The following REDIC1 variants were observed in gnomAD, a reference collection of about 807,000 sequenced individuals.
REDIC1 encodes the protein regulator of DNA class I crossover intermediates 1.
the REDIC1 span, among the ~76,000 whole-genome samples, chr12:39,633,990 G>T: frequency 3.3e-5 from 5 of 151,980 alleles, no homozygotes; most frequent in Non-Finnish European, 5.9e-5. Flanking sequence ...AGCTTGAGGG[G>T]GATAGCACTG....
At chr12:39,750,805 AT>A in the REDIC1 span, among the ~76,000 whole-genome samples, 1 of 152,230 alleles carries the variant, frequency 6.6e-6, no homozygotes, top group Non-Finnish European at 1.5e-5. Context: ...AAAACAAGAA[AT>A]GGGGAAACGA....
At chr12:39,693,501 C>A in the REDIC1 span, among the ~76,000 whole-genome samples, 1 of 151,210 alleles carries the variant, frequency 6.6e-6, no homozygotes, top group East Asian at 1.9e-4. Context: ...CACGTAAATA[C>A]CCATGAGTCT....
At chr12:39,639,269 G>A in the REDIC1 span, among the ~76,000 whole-genome samples, 1 of 151,868 alleles carries the variant, frequency 6.6e-6, no homozygotes, top group African/African-American at 2.4e-5. Context: ...GAATATATAG[G>A]GTTCTTTGCT....
the REDIC1 span, among the ~76,000 whole-genome samples, chr12:39,693,126 A>T: frequency 1.3e-5 from 2 of 152,016 alleles, no homozygotes; most frequent in African/African-American, 2.4e-5. Flanking sequence ...TAATATGTCT[A>T]TATCTCCTAT....
At chr12:39,699,285 C>T in the REDIC1 span, among the ~76,000 whole-genome samples, 2 of 152,100 alleles carry the variant, frequency 1.3e-5, no homozygotes, top group African/African-American at 2.4e-5. Flanking sequence ...TTGCCTCACT[C>T]GGGAAGCGAA....
chr12:39,669,688 C>A, the REDIC1 span, among the ~76,000 whole-genome samples: 3 of 152,206 alleles, frequency 2.0e-5, no homozygotes, highest in Non-Finnish European at 2.9e-5. Context: ...CCTTGAGCTG[C>A]GGTGGGCTCC....
the REDIC1 span, among the ~76,000 whole-genome samples, chr12:39,632,350 G>T: frequency 6.6e-6 from 1 of 151,944 alleles, no homozygotes. Context: ...CTCCCACCTC[G>T]GCCTCCCAAA....
chr12:39,711,591 A>ATGCGCATACACATGCATGTG, the REDIC1 span, among the ~76,000 whole-genome samples: 1 of 26,062 alleles, frequency 3.8e-5, no homozygotes, highest in South Asian at 1.2e-3. Flanking sequence ...ATGCATGTGT[A>ATGCGCATACACATGCATGTG]TATGTGTATA....
At chr12:39,888,673 ATTGT>A in the REDIC1 span, among the ~76,000 whole-genome samples, 9 of 152,350 alleles carry the variant, frequency 5.9e-5, no homozygotes, top group East Asian at 1.5e-3. Flanking sequence ...TTTTGTGAAC[ATTGT>A]TTGCTAATAA....
chr12:39,788,812 C>G, the REDIC1 span: 1 of 152,108 alleles, frequency 6.6e-6, no homozygotes, highest in Non-Finnish European at 1.5e-5. Context: ...GCTCAACAAT[C>G]GAAGTTGCCC....
the REDIC1 span, among the ~76,000 whole-genome samples, chr12:39,628,897 C>G: frequency 6.6e-6 from 1 of 152,076 alleles, no homozygotes; most frequent in African/African-American, 2.4e-5. Context: ...AAGCATAGTT[C>G]ATTAATGTTA....
At chr12:39,701,523 A>C in the REDIC1 span, among the ~76,000 whole-genome samples, 1 of 152,124 alleles carries the variant, frequency 6.6e-6, no homozygotes, top group Non-Finnish European at 1.5e-5. Flanking sequence ...AACATTAGAC[A>C]GATCAATGAG....
At chr12:39,745,619 C>T in the REDIC1 span, among the ~76,000 whole-genome samples, 3 of 152,112 alleles carry the variant, frequency 2.0e-5, no homozygotes, top group South Asian at 6.2e-4. Context: ...CAAATTTCAC[C>T]CAACTTGGTT....
chr12:39,720,128 A>G, the REDIC1 span, among the ~76,000 whole-genome samples: 1 of 151,986 alleles, frequency 6.6e-6, no homozygotes, highest in Non-Finnish European at 1.5e-5. Context: ...ATCTAGACCT[A>G]TTAAAAAGTT....
At chr12:39,863,705 C>A in the REDIC1 span, among the ~76,000 whole-genome samples, 2 of 152,012 alleles carry the variant, frequency 1.3e-5, no homozygotes, top group East Asian at 3.9e-4. Flanking sequence ...AGTCAGTGAG[C>A]CAATAATAAA....
At chr12:39,657,884 A>T in the REDIC1 span, among the ~76,000 whole-genome samples, 1 of 150,790 alleles carries the variant, frequency 6.6e-6, no homozygotes, top group Admixed American at 6.6e-5. Flanking sequence ...TTTTCTATTT[A>T]TTATTTTCTT....
the REDIC1 span, chr12:39,643,692 TTAA>T: frequency 6.2e-6 from 6 of 965,654 alleles, no homozygotes; most frequent in East Asian, 2.8e-5. Context: ...AGTCAATGAC[TTAA>T]TAACATGATT....
chr12:39,658,486 A>T, the REDIC1 span, among the ~76,000 whole-genome samples: 1 of 152,184 alleles, frequency 6.6e-6, no homozygotes, highest in Non-Finnish European at 1.5e-5. Flanking sequence ...CTTTCCCATT[A>T]TCTTTATGAA....
the REDIC1 span, among the ~76,000 whole-genome samples, chr12:39,776,364 GC>G: frequency 2.6e-5 from 4 of 152,156 alleles, no homozygotes; most frequent in East Asian, 7.7e-4. Flanking sequence ...GTGCTCCCCT[GC>G]AAAACCTGCC....
Sources: allele counts gnomAD v4.1 joint callset (sites outside exome capture counted in the v4.1 genomes callset), GRCh38; gene constraint gnomAD v4.1.1; transcripts MANE v1.5; gene names NCBI Gene and HGNC (gene_info 2026-07-23, HGNC 2026-07-21).